The following MALRD1 variants were observed in gnomAD, a reference collection of about 807,000 sequenced individuals.
MALRD1 encodes MAM and LDL-receptor class A domain-containing protein 1.
MALRD1 carries 247 observed loss-of-function variants against 242.1 expected under a neutral mutation model. That is an observed-to-expected ratio of 1.02 (90% CI 0.92 to 1.13). MALRD1 has a LOEUF of 1.13. Ranked by LOEUF, MALRD1 falls within the 50% of genes most tolerant of loss-of-function variation. MALRD1 has a pLI of 0.00. For missense variants in MALRD1, 2,989 were observed against 2,533.1 expected (o/e 1.18, Z -3.86); for synonymous variants, 995 against 866.6 (o/e 1.15, Z -2.60).
At position 19,146,185 on chromosome 10, in the gene MALRD1, C is replaced by A; in HGVS notation, c.1412-13C>A. On this transcript the variant is annotated splice_polypyrimidine_tract_variant and intron_variant, in intron 10 of 39. Coordinates refer to ENST00000454679, the MANE Select transcript of MALRD1 (RefSeq NM_001142308.3). ...CATTTCTCCTCACCTGTTTTCTCTTCTACGTGTAACAGCAAAGCATCTCAC... is the reference window on the plus strand; with the variant it reads ...CATTTCTCCTCACCTGTTTTCTCTTATACGTGTAACAGCAAAGCATCTCAC... The A allele has an allele frequency of 8.1e-7, 1 of 1,231,564 alleles. No homozygotes were observed. Among genetic ancestry groups the A allele is most frequent in the East Asian group, 3.2e-5 (1 of 31,696 alleles). 76.3% of individuals were successfully genotyped at this position (1,231,564 alleles called of 1,614,324 possible).
rs11009394 is a variant in MALRD1 at position 19,307,934 on chromosome 10, T to C, written c.3420-16015T>C. Among the ~76,000 whole-genome samples, 491 of 151,512 alleles carry C rather than the reference T, an allele frequency of 3.2e-3. 2 individuals carry two copies. The highest frequency in any genetic ancestry group is 0.01 in the African/African-American group (431 of 41,418). On this transcript the variant is annotated intron_variant, in intron 21 of 39. Coordinates refer to ENST00000454679, the MANE Select transcript of MALRD1 (RefSeq NM_001142308.3). Reference sequence around the variant, plus strand: ...CATAGTAGGTGTATATATTTATGAGTTACATATGATGTTTTGATACAGGCA... The same window carrying C: ...CATAGTAGGTGTATATATTTATGAGCTACATATGATGTTTTGATACAGGCA...
At chr10:19,714,835 G>A (rs1185584914) in intron 38 of MALRD1, among the ~76,000 whole-genome samples, 1 of 152,168 alleles carries the variant, frequency 6.6e-6, no homozygotes, top group Non-Finnish European at 1.5e-5. Context: ...GGAGCTCAAG[G>A]TGGGGACACA....
In MALRD1 at chr10:19,511,580, T is replaced by C. The variant is rs563234475; in HGVS notation, c.5320+12934T>C. Among the ~76,000 whole-genome samples the C allele has an allele frequency of 2.0e-5, 3 of 152,354 alleles. No homozygotes were observed. The South Asian group carries it at 6.2e-4, about 32-fold the overall frequency. ...AACCCTCATTATATGTTTTGCCTAC[T>C]GTTAGCTTTAAACAAGGAATATGAA... On this transcript the variant is annotated intron_variant, in intron 31 of 39. Coordinates refer to ENST00000454679, the MANE Select transcript of MALRD1 (RefSeq NM_001142308.3).
Position 19,495,410 on chromosome 10 carries a change from C to T in MALRD1, c.5159-3075C>T, listed in dbSNP as rs186542744. 2.1e-3 allele frequency among the ~76,000 whole-genome samples: 315 copies of T among 151,520 alleles called. 2 individuals carry two copies. Among genetic ancestry groups the T allele is most frequent in the African/African-American group, 6.3e-3 (259 of 41,294 alleles). ...CTTTCAGCAGTGAATCTTTTACCTT[C>T]CAAGCCAGAAAAATTGGGGGCCTAT... is the stretch of plus-strand genomic sequence containing the variant. On this transcript the variant is annotated intron_variant, in intron 30 of 39. Coordinates refer to ENST00000454679, the MANE Select transcript of MALRD1 (RefSeq NM_001142308.3).
chr10:19,449,818 C>T (rs1361020871), intron 28 of MALRD1, among the ~76,000 whole-genome samples: 6 of 152,056 alleles, frequency 3.9e-5, no homozygotes, highest in South Asian at 2.1e-4. Context: ...AACCTGCACA[C>T]GTACCCCTGA....
intron 34 of MALRD1, among the ~76,000 whole-genome samples, chr10:19,606,880 C>T (rs939569521): frequency 6.6e-6 from 1 of 152,064 alleles, no homozygotes; most frequent in African/African-American, 2.4e-5. Context: ...CCTCTTCTTT[C>T]TAGGAAGTTG....
chr10:19,625,482 A>G (rs1839612341), intron 36 of MALRD1, among the ~76,000 whole-genome samples: 1 of 152,060 alleles, frequency 6.6e-6, no homozygotes, highest in South Asian at 2.1e-4. Context: ...CTGAACCCAT[A>G]AGCATACAGA....
intron 29 of MALRD1, among the ~76,000 whole-genome samples, chr10:19,467,431 A>G (rs567058228): frequency 6.9e-6 from 1 of 145,022 alleles, no homozygotes; most frequent in African/African-American, 2.6e-5. Context: ...CCTTTCTTAC[A>G]GCGCTATCTC....
chr10:19,105,960 T>G (rs570514288), intron 5 of MALRD1, among the ~76,000 whole-genome samples: 20 of 152,092 alleles, frequency 1.3e-4, no homozygotes, highest in African/African-American at 4.8e-4. Flanking sequence ...CCTCTGATCC[T>G]GTAGGTTGTC....
chr10:19,693,775 C>G (rs1387590215), intron 38 of MALRD1, among the ~76,000 whole-genome samples: 1 of 152,136 alleles, frequency 6.6e-6, no homozygotes, highest in African/African-American at 2.4e-5. Context: ...CAAGTCAATC[C>G]TAAGGCAAAA....
intron 31 of MALRD1, among the ~76,000 whole-genome samples, chr10:19,504,663 C>CTTT (rs1564397363): frequency 1.6e-5 from 2 of 128,706 alleles, no homozygotes; most frequent in Middle Eastern, 4.0e-3. Flanking sequence ...TATTGTAACA[C>CTTT]ATTTTTTTTT....
intron 31 of MALRD1, among the ~76,000 whole-genome samples, chr10:19,504,922 T>C (rs561305882): frequency 6.6e-6 from 1 of 151,874 alleles, no homozygotes; most frequent in South Asian, 2.1e-4. Flanking sequence ...GACCTCATGA[T>C]CCACCCGCCT....
intron 26 of MALRD1, among the ~76,000 whole-genome samples, chr10:19,375,845 C>T (rs1471547902): frequency 6.6e-6 from 1 of 152,192 alleles, no homozygotes; most frequent in African/African-American, 2.4e-5. Flanking sequence ...TCCAGGCGGC[C>T]AGACACATTG....
chr10:19,060,754 G>C (rs1468101973), intron 1 of MALRD1, among the ~76,000 whole-genome samples: 1 of 152,124 alleles, frequency 6.6e-6, no homozygotes, highest in East Asian at 1.9e-4. Flanking sequence ...GAAGAAAAAA[G>C]AAAAACACTG....
At chr10:19,243,067 T>TC (rs1838863400) in intron 18 of MALRD1, among the ~76,000 whole-genome samples, 2 of 141,964 alleles carry the variant, frequency 1.4e-5, no homozygotes, top group Non-Finnish European at 3.1e-5. Context: ...TTTTCCCTTT[T>TC]TTTTTTTTGT....
At chr10:19,556,569 C>G (rs1835727307) in intron 32 of MALRD1, among the ~76,000 whole-genome samples, 1 of 152,010 alleles carries the variant, frequency 6.6e-6, no homozygotes, top group Non-Finnish European at 1.5e-5. Flanking sequence ...ATGTAAGTCC[C>G]CTCTCTGTCT....
chr10:19,463,013 C>T lies in MALRD1; in HGVS notation c.5029+12523C>T, dbSNP rs74707328. Among the ~76,000 whole-genome samples, 370 of 151,940 alleles carry T rather than the reference C, an allele frequency of 2.4e-3. 8 individuals carry two copies. In the East Asian group the frequency reaches 0.05, roughly 21 times the overall value. ...CAATGAATTAACCAAAATTTAGTTG[C>T]GTGGTTAAATCATAAGGAAATCTAC... On this transcript the variant is annotated intron_variant, in intron 29 of 39. Coordinates refer to ENST00000454679, the MANE Select transcript of MALRD1 (RefSeq NM_001142308.3).
At chr10:19,560,583 C>A (rs1264880515) in intron 32 of MALRD1, among the ~76,000 whole-genome samples, 1 of 152,118 alleles carries the variant, frequency 6.6e-6, no homozygotes, top group Non-Finnish European at 1.5e-5. Flanking sequence ...CAATGATAGA[C>A]TAGATAAAGA....
chr10:19,406,622 A>G (rs1278763715), intron 28 of MALRD1, among the ~76,000 whole-genome samples: 5 of 152,202 alleles, frequency 3.3e-5, no homozygotes, highest in Non-Finnish European at 7.3e-5. Flanking sequence ...TGAGTTATTC[A>G]TGACGAATAA....
Sources: gnomAD v4.1 joint callset for allele counts (sites outside exome capture counted in the v4.1 genomes callset) on GRCh38, gnomAD v4.1.1 for gene constraint, MANE v1.5 for transcripts, NCBI Gene and HGNC (gene_info 2026-07-23, HGNC 2026-07-21) for gene names.